Variants in RUVBL1 observed in about 807,000 individuals in gnomAD.
RUVBL1 encodes the protein ruvB-like 1.
In RUVBL1, 4 loss-of-function variants were observed where a neutral mutation model predicts 52.4. The ratio of observed to expected loss-of-function variants is 0.08; its 90% confidence interval spans 0.04 to 0.17. RUVBL1 has a LOEUF of 0.17. Ranked by LOEUF, RUVBL1 falls within the 10% of genes least tolerant of loss-of-function variation. The probability of loss-of-function intolerance (pLI) is 1.00; values close to 1 mark genes in which losing one functional copy is unlikely to be tolerated. For missense variants in RUVBL1, 298 were observed against 572.8 expected (o/e 0.52, Z 4.90); for synonymous variants, 217 against 214.4 (o/e 1.01, Z -0.10).
intron 1 of RUVBL1, among the ~76,000 whole-genome samples, chr3:128,149,656 C>A (rs1944156564): frequency 6.6e-6 from 1 of 152,198 alleles, no homozygotes; most frequent in Non-Finnish European, 1.5e-5. Context: ...AGGCTGGGGC[C>A]TGAAACGCTT....
rs892707137 is a variant in RUVBL1 at position 128,080,993 on chromosome 3, A to G, written c.*257T>C. The G allele has an allele frequency of 2.3e-5, 4 of 173,146 alleles. No homozygotes were observed. The highest frequency in any genetic ancestry group is 1.4e-4 in the African/African-American group (4 of 28,806). The allele number at this position is 173,146 out of a possible 1,614,324, so 10.7% of individuals were successfully genotyped here. A position where few individuals can be genotyped will look rare whatever the true frequency, so the allele number is the denominator to read the frequency against. On this transcript the variant is annotated 3_prime_UTR_variant, in exon 11 of 11. Coordinates refer to ENST00000322623, the MANE Select transcript of RUVBL1 (RefSeq NM_003707.3). Reference sequence around the variant, plus strand: ...TGAAAAGTTTATTTTTAAAAAACTTAGAGAGAGAGAGAGAGAGAATCAAAA... The same window carrying G: ...TGAAAAGTTTATTTTTAAAAAACTTGGAGAGAGAGAGAGAGAGAATCAAAA...
intron 8 of RUVBL1, 123 bp from the exon 9 acceptor site, chr3:128,087,931 G>A: frequency 2.8e-6 from 2 of 704,334 alleles, no homozygotes; most frequent in Non-Finnish European, 2.5e-6. Flanking sequence ...TCAGAGCCAG[G>A]ACCAGAGTAA....
At chr3:128,118,789 C>A (rs979754777) in intron 2 of RUVBL1, among the ~76,000 whole-genome samples, 1 of 152,216 alleles carries the variant, frequency 6.6e-6, no homozygotes, top group African/African-American at 2.4e-5. Context: ...TTAGTCAATA[C>A]CTCAAAGCTG....
At chr3:128,084,979 G>C (rs183471346) in intron 9 of RUVBL1, 1 of 152,284 alleles carries the variant, frequency 6.6e-6, no homozygotes, top group African/African-American at 2.4e-5. Context: ...CTCTGGGTTC[G>C]AATGGCGGCA....
intron 1 of RUVBL1, among the ~76,000 whole-genome samples, chr3:128,136,623 C>CAAAAAAAA: frequency 8.9e-6 from 1 of 112,208 alleles, no homozygotes; most frequent in Non-Finnish European, 1.8e-5. Context: ...GAGACCCTGT[C>CAAAAAAAA]AAAAAAAAAA....
At chr3:128,100,935 A>C (rs922414880) in intron 5 of RUVBL1, among the ~76,000 whole-genome samples, 191 bp from the exon 6 acceptor site, 1 of 152,176 alleles carries the variant, frequency 6.6e-6, no homozygotes, top group African/African-American at 2.4e-5. Context: ...GGCTCCAAAA[A>C]CTGGGTTGAA....
chr3:128,146,532 GTC>G (rs1337897613), intron 1 of RUVBL1, among the ~76,000 whole-genome samples: 1 of 151,478 alleles, frequency 6.6e-6, no homozygotes, highest in Non-Finnish European at 1.5e-5. Flanking sequence ...GTGTGTGTGT[GTC>G]TCTGTGCGTG....
chr3:128,071,636 TGA>T (rs1163251687), intron 9 of RUVBL1: 1 of 152,638 alleles, frequency 6.6e-6, no homozygotes, highest in Non-Finnish European at 1.5e-5. Context: ...ATGGCATAAC[TGA>T]GATAAGGTGA....
Position 128,123,590 on chromosome 3 carries a change from C to A in RUVBL1, c.135G>T (p.Ala45=), listed in dbSNP as rs1403610852. ...CCTGGTCCACTGGCCACACCTCTCG[C>A]GCGTTCTCCTGGCCCACAAGCCCTG... ...AASGLVGQEN[A]REACGVIVEL... The change falls in exon 1 of 11, where the codon GCG becomes GCT. Residue 45 remains alanine (A), a synonymous_variant. Coordinates refer to ENST00000322623, the MANE Select transcript of RUVBL1 (RefSeq NM_003707.3). The A allele has an allele frequency of 2.5e-6, 4 of 1,605,820 alleles. No homozygotes were observed. The Admixed American group carries it at 6.7e-5, about 27-fold the overall frequency.
At chr3:128,153,705 G>C (rs1228106072) in exon 1 of RUVBL1, 1 of 1,588,012 alleles carries the variant, frequency 6.3e-7, no homozygotes, top group African/African-American at 1.4e-5. Flanking sequence ...GCCTGCGGTC[G>C]TCTTTGCCCG....
At chr3:128,096,671 A>G (rs897454182) in intron 8 of RUVBL1, among the ~76,000 whole-genome samples, 5 of 152,022 alleles carry the variant, frequency 3.3e-5, no homozygotes. Flanking sequence ...CTAAAAATAC[A>G]AAAAAATTAG....
At chr3:128,079,073 ACT>A (rs1559804367), downstream of RUVBL1, 1 of 151,966 alleles carries the variant, frequency 6.6e-6, no homozygotes, top group Non-Finnish European at 1.5e-5. Context: ...GCCGAAGAAG[ACT>A]CTGTCCCCAC....
chr3:128,100,192 CTG>C (rs1482404254), intron 6 of RUVBL1, among the ~76,000 whole-genome samples: 2 of 152,224 alleles, frequency 1.3e-5, no homozygotes, highest in African/African-American at 4.8e-5. Context: ...AGCTAAAACA[CTG>C]TGGCTTTTGC....
At chr3:128,146,520 CTG>C (rs1234419587) in intron 1 of RUVBL1, among the ~76,000 whole-genome samples, 6 of 128,474 alleles carry the variant, frequency 4.7e-5, no homozygotes, top group African/African-American at 1.8e-4. Context: ...GTGCGTGCAT[CTG>C]TGTGTGTGTG....
chr3:128,130,842 G>A (rs151175869), intron 1 of RUVBL1, among the ~76,000 whole-genome samples: 6,638 of 151,806 alleles, frequency 0.044, 488 homozygotes, highest in African/African-American at 0.15. Flanking sequence ...AGTAGAGACC[G>A]GGTTTCACCG....
chr3:128,082,201 T>A lies in RUVBL1; in HGVS notation c.1211+282A>T, dbSNP rs760804751. The A allele has an allele frequency of 1.2e-4, 48 of 397,060 alleles. 1 individual carries two copies. The highest frequency in any genetic ancestry group is 2.0e-4 in the Non-Finnish European group (43 of 217,850). 24.6% of individuals were successfully genotyped at this position (397,060 alleles called of 1,614,324 possible). ...GGTCCCTGCTCTCTAGTTCTGTGCATCTTCTCTGCCACAAGAAGGCCCAGG... is the reference window on the plus strand; with the variant it reads ...GGTCCCTGCTCTCTAGTTCTGTGCAACTTCTCTGCCACAAGAAGGCCCAGG... On this transcript the variant is annotated intron_variant, in intron 10 of 10. Transcript: ENST00000322623. The surrounding 1 kb of genome is among the most constrained non-coding windows in gnomAD (Gnocchi z 4.7).
chr3:128,115,525 A>C (rs1393111308), intron 2 of RUVBL1, among the ~76,000 whole-genome samples: 2 of 152,228 alleles, frequency 1.3e-5, no homozygotes, highest in African/African-American at 2.4e-5. Context: ...CAAACCATTA[A>C]GCAGAAGTCA....
chr3:128,110,068 C>T (rs1261534444), intron 3 of RUVBL1, among the ~76,000 whole-genome samples: 4 of 152,072 alleles, frequency 2.6e-5, no homozygotes, highest in Admixed American at 6.5e-5. Flanking sequence ...CCACCGGCCT[C>T]GGCCTCCCAA....
chr3:128,106,031 G>T (rs1943228093), intron 3 of RUVBL1, among the ~76,000 whole-genome samples: 1 of 151,824 alleles, frequency 6.6e-6, no homozygotes. Context: ...CACCACATCT[G>T]GCTAATTTTT....
Sources: gnomAD v4.1 joint callset for allele counts (sites outside exome capture counted in the v4.1 genomes callset) on GRCh38, gnomAD v4.1.1 for gene constraint, Gnocchi (gnomAD v3.1) non-coding constraint, MANE v1.5 for transcripts, NCBI Gene and HGNC (gene_info 2026-07-23, HGNC 2026-07-21) for gene names.